VAC14: variants seen among roughly 807,000 people sequenced by gnomAD.
The protein encoded by VAC14 is VAC14 component of PIKFYVE complex.
A neutral mutation model predicts 85.3 loss-of-function variants in VAC14; 47 were observed. The observed-to-expected ratio is 0.55, with a 90% CI of 0.44 to 0.70. The LOEUF (loss-of-function observed/expected upper bound fraction) is 0.70. Ranked by LOEUF, VAC14 falls within the 30% of genes least tolerant of loss-of-function variation. The probability of loss-of-function intolerance (pLI) is 0.00; values close to 1 mark genes in which losing one functional copy is unlikely to be tolerated. For missense variants in VAC14, 861 were observed against 1,004.3 expected (o/e 0.86, Z 1.93); for synonymous variants, 447 against 430.5 (o/e 1.04, Z -0.47).
At chr16:70,739,250 G>A (rs1386918932) in intron 13 of VAC14, among the ~76,000 whole-genome samples, 1 of 152,200 alleles carries the variant, frequency 6.6e-6, no homozygotes, top group African/African-American at 2.4e-5. Context: ...AGATCCCTCT[G>A]ACCCCAGTGC....
chr16:70,702,750 G>A, intron 14 of VAC14, among the ~76,000 whole-genome samples: 1 of 152,198 alleles, frequency 6.6e-6, no homozygotes, highest in South Asian at 2.1e-4. Context: ...GTGGGCCCTT[G>A]AGTCAGGAAG....
intron 9 of VAC14, among the ~76,000 whole-genome samples, chr16:70,776,116 G>A (rs1438090700): frequency 6.6e-6 from 1 of 152,058 alleles, no homozygotes; most frequent in Non-Finnish European, 1.5e-5. Context: ...TTTTTTGTTT[G>A]TTTTTTAGAA....
At chr16:70,789,767 C>G (rs1341786611) in intron 1 of VAC14, among the ~76,000 whole-genome samples, 1 of 152,188 alleles carries the variant, frequency 6.6e-6, no homozygotes, top group Non-Finnish European at 1.5e-5. Flanking sequence ...CTTGAAGAAT[C>G]CAGGATGTGG....
chr16:70,772,869 A>T (rs1454074333), intron 9 of VAC14: 3 of 152,272 alleles, frequency 2.0e-5, no homozygotes, highest in African/African-American at 7.2e-5. Flanking sequence ...GGTGTGGTAT[A>T]GCCATACAAT....
At chr16:70,714,301 C>T (rs999156252) in intron 14 of VAC14, 7 of 152,242 alleles carry the variant, frequency 4.6e-5, no homozygotes, top group South Asian at 2.1e-4. Flanking sequence ...GGTCTTCCCG[C>T]GAGGGTCAGG....
rs11864119 is a variant in VAC14 at position 70,753,011 on chromosome 16, G to T, written c.1372-8432C>A. Among the ~76,000 whole-genome samples, 1,342 of 143,030 alleles carry T rather than the reference G, an allele frequency of 9.4e-3. 21 individuals are homozygous for T. Among genetic ancestry groups the T allele is most frequent in the East Asian group, 0.029 (137 of 4,770 alleles). The allele number at this position is 143,030 out of a possible 152,430, so 93.8% of individuals were successfully genotyped here. On this transcript the variant is annotated intron_variant, in intron 12 of 18. Coordinates refer to ENST00000261776, the MANE Select transcript of VAC14 (RefSeq NM_018052.5). ...CCAGCCTTGATGTGCAGGAGGAGGGGGTGTGTGTGTGTGTGTGTGTGTGTG... is the reference window on the plus strand; with the variant it reads ...CCAGCCTTGATGTGCAGGAGGAGGGTGTGTGTGTGTGTGTGTGTGTGTGTG...
At position 70,687,812 on chromosome 16, in the gene VAC14, G is replaced by C. The variant is rs146478318; in HGVS notation, c.*116C>G. On this transcript the variant is annotated 3_prime_UTR_variant, in exon 19 of 19. Transcript: ENST00000261776. ...AGCCTCCGGCCCCAACACTGCCCTG[G>C]GTTGGCAGGCCCAGCCCTGGTCCTG... 4 of 1,177,710 alleles carry C rather than the reference G, an allele frequency of 3.4e-6. No individual in the cohort carries two copies. The Admixed American group carries it at 1.2e-4, about 35-fold the overall frequency. The allele number at this position is 1,177,710 out of a possible 1,614,324, so 73.0% of individuals were successfully genotyped here.
intron 12 of VAC14, chr16:70,761,406 T>C (rs1488527754): frequency 5.0e-6 from 1 of 198,650 alleles, no homozygotes; most frequent in African/African-American, 2.4e-5. Flanking sequence ...AAGAGGAAAG[T>C]GGGCTGAGGC....
intron 10 of VAC14, 46 bp from the exon 11 acceptor site, chr16:70,763,071 G>A: frequency 3.1e-6 from 5 of 1,612,260 alleles, no homozygotes; most frequent in Non-Finnish European, 4.2e-6. Flanking sequence ...GCCCACCATA[G>A]CCCTCTCCCA....
At chr16:70,709,754 G>A (rs2053991052) in intron 14 of VAC14, among the ~76,000 whole-genome samples, 1 of 152,224 alleles carries the variant, frequency 6.6e-6, no homozygotes, top group Non-Finnish European at 1.5e-5. Context: ...TACTGCCTGA[G>A]GTCCAGGCTG....
intron 9 of VAC14, chr16:70,779,115 C>G (rs1198585025): frequency 6.6e-6 from 1 of 152,260 alleles, no homozygotes; most frequent in Admixed American, 6.5e-5. Context: ...AATGCTCCAG[C>G]TGAGTGCTGT....
At position 70,691,098 on chromosome 16, in the gene VAC14, C is replaced by T. The variant is rs150390500; in HGVS notation, c.2186+1723G>A. On this transcript the variant is annotated intron_variant, in intron 18 of 18. Transcript: ENST00000261776. ...GCCTCAACCCCTTGGCTCAAGACTT[C>T]CCTGACTGACCGTGGGAGATTCTGA... 8.3e-3 allele frequency: 8,224 copies of T among 985,550 alleles called. 39 individuals are homozygous for T. The highest frequency in any genetic ancestry group is 9.3e-3 in the Non-Finnish European group (7,702 of 829,998). The allele number at this position is 985,550 out of a possible 1,614,324, so 61.1% of individuals were successfully genotyped here. A position where few individuals can be genotyped will look rare whatever the true frequency, so the allele number is the denominator to read the frequency against.
intron 12 of VAC14, chr16:70,756,158 C>G: frequency 4.4e-6 from 2 of 452,804 alleles, no homozygotes; most frequent in Non-Finnish European, 8.9e-6. Context: ...GGGTGATACA[C>G]AGGGCTGCTT....
chr16:70,738,568 G>A (rs1038690905), intron 13 of VAC14, among the ~76,000 whole-genome samples: 2 of 152,262 alleles, frequency 1.3e-5, no homozygotes, highest in East Asian at 3.9e-4. Context: ...GGGTGTGGAG[G>A]AAGGCACCCC....
chr16:70,737,246 G>C (rs576516278), intron 13 of VAC14, among the ~76,000 whole-genome samples: 66 of 152,250 alleles, frequency 4.3e-4, no homozygotes, highest in Non-Finnish European at 7.9e-4. Context: ...AGGCGCATGA[G>C]GAAAGTGGGA....
intron 15 of VAC14, among the ~76,000 whole-genome samples, chr16:70,697,593 G>A (rs887596360): frequency 6.6e-6 from 1 of 152,148 alleles, no homozygotes; most frequent in African/African-American, 2.4e-5. Flanking sequence ...CTGTGGTCCC[G>A]GAGCCCCATG....
At chr16:70,742,644 G>A (rs1350750200) in intron 13 of VAC14, among the ~76,000 whole-genome samples, 1 of 152,248 alleles carries the variant, frequency 6.6e-6, no homozygotes, top group East Asian at 1.9e-4. Context: ...CACCTGGCAT[G>A]TCCTGGGGCA....
chr16:70,711,135 T>C (rs2054024669), intron 14 of VAC14, among the ~76,000 whole-genome samples: 1 of 152,196 alleles, frequency 6.6e-6, no homozygotes, highest in Middle Eastern at 3.2e-3. Flanking sequence ...AAGCCAGGAA[T>C]ACCCTAACTG....
At chr16:70,724,259 G>C (rs910136141) in intron 14 of VAC14, among the ~76,000 whole-genome samples, 10 of 152,180 alleles carry the variant, frequency 6.6e-5, no homozygotes, top group African/African-American at 1.4e-4. Flanking sequence ...TTGTTACAGG[G>C]AGTGCCAGTG....
Sources: allele counts gnomAD v4.1 joint callset (sites outside exome capture counted in the v4.1 genomes callset), GRCh38; gene constraint gnomAD v4.1.1; transcripts MANE v1.5; gene names NCBI Gene and HGNC (gene_info 2026-07-23, HGNC 2026-07-21).